The following PIK3CG variants were observed in gnomAD, a reference collection of about 807,000 sequenced individuals.
The protein encoded by PIK3CG is phosphatidylinositol 4,5-bisphosphate 3-kinase catalytic subunit gamma isoform.
A neutral mutation model predicts 102.3 loss-of-function variants in PIK3CG; 55 were observed. The observed-to-expected ratio is 0.54, with a 90% CI of 0.43 to 0.67. The LOEUF is 0.67. Among genes scored for constraint, PIK3CG ranks in the 30% least tolerant of loss-of-function variants. The pLI is 0.00. For missense variants in PIK3CG, 1,258 were observed against 1,391.8 expected, an observed-to-expected ratio of 0.90 and a Z score of 1.53; for synonymous variants, 552 against 540.0, an observed-to-expected ratio of 1.02 and a Z score of -0.31.
rs1353769171 is a variant in PIK3CG, at chr7:106,874,681, G to T, written c.2288-19G>T. On this transcript the variant is annotated intron_variant, in intron 4 of 10. Coordinates refer to ENST00000496166, the MANE Select transcript of PIK3CG (RefSeq NM_001282426.2). The surrounding 1 kb of genome is among the most constrained non-coding windows in gnomAD (Gnocchi z 4.3). Reference sequence around the variant, plus strand: ...TTTCTGGAACTCACATAACTCTTGTGTACTTTTGACAATTACAGTTATTTC... The same window carrying T: ...TTTCTGGAACTCACATAACTCTTGTTTACTTTTGACAATTACAGTTATTTC... 1.4e-6 allele frequency: 2 copies of T among 1,471,048 alleles called. No homozygotes were observed. The highest frequency in any genetic ancestry group is 3.4e-5 in the Admixed American group (2 of 59,378). The allele number at this position is 1,471,048 out of a possible 1,614,324, so 91.1% of individuals were successfully genotyped here.
rs1791590266 is a variant in PIK3CG at position 106,902,662 on chromosome 7, G to A, written c.3031-2447G>A. On this transcript the variant is annotated intron_variant, in intron 10 of 10. Transcript: ENST00000496166. This position sits in a 1 kb window ranked among gnomAD's most constrained non-coding sequence, Gnocchi z 4.3. The stretch of plus-strand genomic sequence containing the variant: ...TTTATCTGTTTTTATGTCTTACAGT[G>A]TGAATTTTTGTTATGTTTTTGGCCT... Among the ~76,000 whole-genome samples the A allele has an allele frequency of 6.6e-6, 1 of 151,672 alleles. No homozygotes were observed. Among genetic ancestry groups the A allele is most frequent in the Non-Finnish European group, 1.5e-5 (1 of 67,936 alleles).
chr7:106,871,245 C>T (rs1411314351), intron 2 of PIK3CG, among the ~76,000 whole-genome samples: 3 of 152,104 alleles, frequency 2.0e-5, no homozygotes, highest in Admixed American at 2.0e-4. Context: ...AGAAGTGAAA[C>T]CTGAAGAAGG....
intron 10 of PIK3CG, among the ~76,000 whole-genome samples, chr7:106,898,022 C>T (rs1318862373): frequency 6.6e-6 from 1 of 152,182 alleles, no homozygotes; most frequent in Admixed American, 6.5e-5. Flanking sequence ...GTTCCTTTTT[C>T]TCCACAACCT....
At position 106,892,634 on chromosome 7, in the gene PIK3CG, A is replaced by G. The variant is rs1022810283; in HGVS notation, c.3030+6342A>G. On this transcript the variant is annotated intron_variant, in intron 10 of 10. Coordinates refer to ENST00000496166, the MANE Select transcript of PIK3CG (RefSeq NM_001282426.2). This position sits in a 1 kb window ranked among gnomAD's most constrained non-coding sequence, Gnocchi z 5.2. ...GCATTGGGCATAGGTGAGACAATAG[A>G]GCATGGCCCCAGAACATGGCAAGAA... Among the ~76,000 whole-genome samples the G allele has an allele frequency of 2.6e-5, 4 of 152,236 alleles. No homozygotes were observed. Among genetic ancestry groups the G allele is most frequent in the Admixed American group, 2.0e-4 (3 of 15,290 alleles).
rs1046475271 is a variant in PIK3CG at position 106,908,247 on chromosome 7, G to A, written c.*2860G>A. Among the ~76,000 whole-genome samples the A allele has an allele frequency of 6.6e-6, 1 of 152,190 alleles. No individual in the cohort carries two copies. Among genetic ancestry groups the A allele is most frequent in the African/African-American group, 2.4e-5 (1 of 41,446 alleles). On this transcript the variant is annotated 3_prime_UTR_variant, in exon 11 of 11. Transcript: ENST00000496166. This position sits in a 1 kb window ranked among gnomAD's most constrained non-coding sequence, Gnocchi z 4.1. The stretch of plus-strand genomic sequence containing the variant: ...CACACCAAGCACAGTGCCCTTCTGA[G>A]CATGAGGCTCTGTGTGACTGCATGG...
intron 5 of PIK3CG, among the ~76,000 whole-genome samples, chr7:106,875,469 A>G (rs989748848): frequency 5.9e-5 from 9 of 152,198 alleles, no homozygotes; most frequent in African/African-American, 2.2e-4. Flanking sequence ...TTACAGAAAA[A>G]GTTCTGTCAT....
Position 106,868,237 on chromosome 7 carries a change from C to CGCA in PIK3CG, c.680_682dup (p.Ser227dup). 1 of 1,613,008 alleles carries CGCA rather than the reference C, an allele frequency of 6.2e-7. No homozygotes were observed. Among genetic ancestry groups the CGCA allele is most frequent in the Non-Finnish European group, 8.5e-7 (1 of 1,180,028 alleles). ...CAACTGCATCTTCATCGTCATTCAC[C>CGCA]GCAGCACCACCAGCCAGACCATTAA... On this transcript the variant is annotated inframe_insertion, in exon 2 of 11. Transcript: ENST00000496166. The surrounding 1 kb of genome is among the most constrained non-coding windows in gnomAD (Gnocchi z 6.2).
rs143920711 is a variant in PIK3CG at position 106,878,713 on chromosome 7, GAGA to G, written c.2392-802_2392-800del. On this transcript the variant is annotated intron_variant, in intron 5 of 10. Coordinates refer to ENST00000496166, the MANE Select transcript of PIK3CG (RefSeq NM_001282426.2). ...AACTCCCGTAGCAGCGAAGCCACAT[GAGA>G]AGATGAGGAAGTTCTTCCCCTGAAT... Among the ~76,000 whole-genome samples, 720 of 152,324 alleles carry G rather than the reference GAGA, an allele frequency of 4.7e-3. 1 individual carries two copies. The highest frequency in any genetic ancestry group is 8.0e-3 in the Non-Finnish European group (545 of 68,028).
In PIK3CG at chr7:106,906,102, T is replaced by A. The variant is rs890049759; in HGVS notation, c.*715T>A. ...GTCCACAAGAGTGAGTTATCTAGTA[T>A]GATTAGTATAGCTTTCTCCAGCATG... On this transcript the variant is annotated 3_prime_UTR_variant, in exon 11 of 11. Transcript: ENST00000496166. 3 of 226,316 alleles carry A rather than the reference T, an allele frequency of 1.3e-5. No homozygotes were observed. The highest frequency in any genetic ancestry group is 2.3e-5 in the African/African-American group (1 of 44,370). The allele number at this position is 226,316 out of a possible 1,614,324, so 14.0% of individuals were successfully genotyped here.
rs1791244986 is a variant in PIK3CG at position 106,890,776 on chromosome 7, G to A, written c.3030+4484G>A. On this transcript the variant is annotated intron_variant, in intron 10 of 10. Coordinates refer to ENST00000496166, the MANE Select transcript of PIK3CG (RefSeq NM_001282426.2). This position sits in a 1 kb window ranked among gnomAD's most constrained non-coding sequence, Gnocchi z 4.2. Reference sequence around the variant, plus strand: ...CTAAATATCCAGGCTTGGCCTGCTAGGCCCTGTGTGAGGCTGTCCCTCCAG... The same window carrying A: ...CTAAATATCCAGGCTTGGCCTGCTAAGCCCTGTGTGAGGCTGTCCCTCCAG... 6.6e-6 allele frequency among the ~76,000 whole-genome samples: 1 copy of A among 152,188 alleles called. No individual in the cohort carries two copies. The highest frequency in any genetic ancestry group is 2.4e-5 in the African/African-American group (1 of 41,444).
At position 106,869,307 on chromosome 7, in the gene PIK3CG, C is replaced by A. The variant is rs945105489; in HGVS notation, c.1746C>A (p.Ser582Arg). Residue 582 changes from serine (S) to arginine (R), a missense_variant, in exon 2 of 11, where the codon AGC (serine) becomes AGA (arginine). Ser to Arg is a moderately radical substitution (Grantham distance 110). This residue lies in a region of PIK3CG where 832 missense variants were observed against 787.5 expected (regional missense o/e 1.06). Coordinates refer to ENST00000496166, the MANE Select transcript of PIK3CG (RefSeq NM_001282426.2). The surrounding 1 kb of genome is among the most constrained non-coding windows in gnomAD (Gnocchi z 5.3). The stretch of plus-strand genomic sequence containing the variant: ...TGCTCTGGCATTTTAGATACGAAAG[C>A]CTTAAGCACCCAAAAGCATATCCTA... ...KELLWHFRYESLKHPKAYPKL... is the reference protein window; with the variant it reads ...KELLWHFRYERLKHPKAYPKL... 6.2e-7 allele frequency: 1 copy of A among 1,614,196 alleles called. No homozygotes were observed. The highest frequency in any genetic ancestry group is 1.1e-5 in the South Asian group (1 of 91,088).
Position 106,907,380 on chromosome 7 carries a change from A to G in PIK3CG, c.*1993A>G, listed in dbSNP as rs1791712398. 6.6e-6 allele frequency among the ~76,000 whole-genome samples: 1 copy of G among 152,126 alleles called. No individual in the cohort carries two copies. The highest frequency in any genetic ancestry group is 2.4e-5 in the African/African-American group (1 of 41,420). On this transcript the variant is annotated 3_prime_UTR_variant, in exon 11 of 11. Coordinates refer to ENST00000496166, the MANE Select transcript of PIK3CG (RefSeq NM_001282426.2). ...TTTGGCAACCTGTCCTTTTAAAATC[A>G]CACTCTACCCACCTGTACAGAAGAC...
Position 106,879,649 on chromosome 7 carries a change from A to C in PIK3CG, c.2522A>C (p.Asp841Ala). 6.2e-7 allele frequency: 1 copy of C among 1,612,012 alleles called. No homozygotes were observed. Among genetic ancestry groups the C allele is most frequent in the Non-Finnish European group, 8.5e-7 (1 of 1,178,580 alleles). Residue 841 changes from aspartate to alanine, a missense_variant, in exon 6 of 11, where the codon GAC becomes GCC. Asp to Ala is a moderately radical substitution (Grantham distance 126, BLOSUM62 -2). This residue lies in a region of PIK3CG where 426 missense variants were observed against 604.2 expected (regional missense o/e 0.71). Coordinates refer to ENST00000496166, the MANE Select transcript of PIK3CG (RefSeq NM_001282426.2). This position sits in a 1 kb window ranked among gnomAD's most constrained non-coding sequence, Gnocchi z 4.9. Reference protein sequence around the residue: ...IFKHGDDLRQDMLILQILRIM... With the variant: ...IFKHGDDLRQAMLILQILRIM... ...AAACATGGTGATGATCTGCGCCAAG[A>C]CATGCTTATTTTACAGGTATGCTAA...
rs932996241 is a variant in PIK3CG at position 106,908,818 on chromosome 7, G to A, written c.*3431G>A. Among the ~76,000 whole-genome samples the A allele has an allele frequency of 3.3e-5, 5 of 152,104 alleles. No homozygotes were observed. Among genetic ancestry groups the A allele is most frequent in the Non-Finnish European group, 7.4e-5 (5 of 68,012 alleles). The stretch of plus-strand genomic sequence containing the variant: ...CAGAGCAAATCTGACCTAGCATTTG[G>A]TATGCTAGGCTCTGCTTTTCATGAT... On this transcript the variant is annotated 3_prime_UTR_variant, in exon 11 of 11. Transcript: ENST00000496166. This position sits in a 1 kb window ranked among gnomAD's most constrained non-coding sequence, Gnocchi z 4.1.
intron 5 of PIK3CG, among the ~76,000 whole-genome samples, chr7:106,875,931 G>A (rs192891102): frequency 1.5e-4 from 19 of 124,652 alleles, no homozygotes; most frequent in African/African-American, 5.2e-4. Context: ...TTTTTGAGAC[G>A]GAGTCTCGCT....
Position 106,868,391 on chromosome 7 carries a change from G to A in PIK3CG, c.830G>A (p.Arg277Gln), listed in dbSNP as rs1790395192. 1 of 1,614,244 alleles carries A rather than the reference G, an allele frequency of 6.2e-7. No individual in the cohort carries two copies. The highest frequency in any genetic ancestry group is 1.7e-5 in the Admixed American group (1 of 60,034). ...GATTTTGTGCTGCGCGTCTGTGGCCGGGATGAGTACCTGGTGGGCGAAACG... is the reference window on the plus strand; with the variant it reads ...GATTTTGTGCTGCGCGTCTGTGGCCAGGATGAGTACCTGGTGGGCGAAACG... ...EQDFVLRVCG[R>Q]DEYLVGETPI... Residue 277 changes from arginine to glutamine, a missense_variant, in exon 2 of 11, where the codon CGG becomes CAG. By Grantham distance (43) the Arg-to-Gln change is conservative. This residue lies in a region of PIK3CG where 832 missense variants were observed against 787.5 expected (regional missense o/e 1.06). Transcript: ENST00000496166. This position sits in a 1 kb window ranked among gnomAD's most constrained non-coding sequence, Gnocchi z 6.2.
chr7:106,896,233 T>A (rs1791404386), intron 10 of PIK3CG, among the ~76,000 whole-genome samples: 1 of 152,218 alleles, frequency 6.6e-6, no homozygotes, highest in South Asian at 2.1e-4. Context: ...AACAAGTATT[T>A]ACTGAGCACC....
chr7:106,888,693 C>T (rs750658785), intron 10 of PIK3CG, among the ~76,000 whole-genome samples: 19 of 152,236 alleles, frequency 1.2e-4, no homozygotes, highest in Non-Finnish European at 1.5e-5. Flanking sequence ...TTTTGGAGTA[C>T]TGTTAAACAT....
chr7:106,867,840 G>C lies in PIK3CG; in HGVS notation c.279G>C (p.Pro93=), dbSNP rs1790358120. The stretch of plus-strand genomic sequence containing the variant: ...CGGACTTCTACCACCGGCTGGGACC[G>C]CATCACTTCCTCCTGCTCTATCAGA... The part of the protein sequence containing the change: ...VAADFYHRLG[P]HHFLLLYQKK... Residue 93 remains proline (P), a synonymous_variant, in exon 2 of 11, where the codon CCG becomes CCC. Transcript: ENST00000496166. This position sits in a 1 kb window ranked among gnomAD's most constrained non-coding sequence, Gnocchi z 5.1. 6.2e-6 allele frequency: 10 copies of C among 1,612,522 alleles called. No homozygotes were observed. The highest frequency in any genetic ancestry group is 8.5e-6 in the Non-Finnish European group (10 of 1,179,954).
Sources: gnomAD v4.1 joint callset for allele counts (sites outside exome capture counted in the v4.1 genomes callset) on GRCh38, gnomAD v4.1.1 for gene constraint, gnomAD v4.1.1 regional missense constraint, Gnocchi (gnomAD v3.1) non-coding constraint, MANE v1.5 for transcripts, NCBI Gene and HGNC (gene_info 2026-07-23, HGNC 2026-07-21) for gene names.